Variants in MAPT observed in about 807,000 individuals in gnomAD.
The protein encoded by MAPT is microtubule-associated protein tau.
Under a neutral mutation model 67.9 loss-of-function variants are expected in MAPT, and 34 were observed. The ratio of observed to expected loss-of-function variants is 0.50; its 90% CI spans 0.38 to 0.67. The LOEUF (loss-of-function observed/expected upper bound fraction) is 0.67. Ranked by LOEUF, MAPT falls within the 30% of genes least tolerant of loss-of-function variation. The probability of loss-of-function intolerance (pLI) is 0.00; values close to 1 mark genes in which losing one functional copy is unlikely to be tolerated. For missense variants in MAPT, 881 were observed against 1,115.2 expected, an observed-to-expected ratio of 0.79 and a Z score of 2.99; for synonymous variants, 456 against 464.5, an observed-to-expected ratio of 0.98 and a Z score of 0.23.
intron 9 of MAPT, among the ~76,000 whole-genome samples, chr17:46,006,036 G>A (rs1991556): frequency 0.14 from 21,792 of 152,188 alleles, 2,136 homozygotes; most frequent in Non-Finnish European, 0.22. Context: ...TGGCACTAGA[G>A]ATTTATCCAT....
intron 1 of MAPT, among the ~76,000 whole-genome samples, chr17:45,910,262 C>A (rs1333351809): frequency 2.0e-5 from 3 of 152,254 alleles, no homozygotes; most frequent in Non-Finnish European, 4.4e-5. Context: ...TATATGATCT[C>A]ATTTGATTCT....
chr17:45,919,066 A>C (rs1232657326), intron 1 of MAPT, among the ~76,000 whole-genome samples: 1 of 104,202 alleles, frequency 9.6e-6, no homozygotes, highest in African/African-American at 3.1e-5. Flanking sequence ...TGTCTCAATA[A>C]AAAAAAAAAA....
At chr17:46,016,484 G>A (rs893463017) in intron 11 of MAPT, among the ~76,000 whole-genome samples, 7 of 152,084 alleles carry the variant, frequency 4.6e-5, no homozygotes, top group Non-Finnish European at 1.0e-4. Context: ...AGAAATTAGT[G>A]CTGTCGGCCA....
At chr17:45,962,215 T>G in intron 1 of MAPT, 106 bp from the exon 2 acceptor site, 4 of 918,898 alleles carry the variant, frequency 4.4e-6, no homozygotes, top group Non-Finnish European at 6.9e-6. Context: ...GCAGGGAGGC[T>G]GAGATCTGCC....
chr17:45,954,202 A>G (rs577524384), intron 1 of MAPT, among the ~76,000 whole-genome samples: 5 of 152,362 alleles, frequency 3.3e-5, no homozygotes, highest in African/African-American at 1.2e-4. Flanking sequence ...ATCTATAAAT[A>G]GTGTTTTATC....
At position 45,945,141 on chromosome 17, in the gene MAPT, A is replaced by G. The variant is rs558611595; in HGVS notation, c.-17-17180A>G. Reference sequence around the variant, plus strand: ...TTGGTTGGTGGAGGTCTCCAAACCCACCCAGTGCCACCGAAGGCTGAGACT... The same window carrying G: ...TTGGTTGGTGGAGGTCTCCAAACCCGCCCAGTGCCACCGAAGGCTGAGACT... On this transcript the variant is annotated intron_variant, in intron 1 of 12. Transcript: ENST00000262410. Among the ~76,000 whole-genome samples, 5 of 152,100 alleles carry G rather than the reference A, an allele frequency of 3.3e-5. No homozygotes were observed. The East Asian group carries it at 9.7e-4, about 29-fold the overall frequency.
At chr17:45,904,790 G>A (rs933678158) in intron 1 of MAPT, among the ~76,000 whole-genome samples, 1 of 151,686 alleles carries the variant, frequency 6.6e-6, no homozygotes, top group African/African-American at 2.4e-5. Flanking sequence ...TACTGGGCTT[G>A]CCAAAAACCC....
chr17:45,989,828 T>C (rs2145742700), intron 6 of MAPT, 50 bp from the exon 7 acceptor site: 1 of 1,527,578 alleles, frequency 6.5e-7, no homozygotes, highest in African/African-American at 1.4e-5. Flanking sequence ...TTTGTTTCCC[T>C]CCTCCATGTG....
chr17:45,910,524 G>T (rs1401531093), intron 1 of MAPT, among the ~76,000 whole-genome samples: 1 of 151,972 alleles, frequency 6.6e-6, no homozygotes, highest in African/African-American at 2.4e-5. Context: ...TTATTAAACT[G>T]CCAGTGCCTC....
intron 1 of MAPT, among the ~76,000 whole-genome samples, chr17:45,912,599 T>C (rs2064874733): frequency 6.6e-6 from 1 of 152,192 alleles, no homozygotes; most frequent in African/African-American, 2.4e-5. Context: ...AGCTTCAACC[T>C]AGTGATCCTG....
At chr17:45,902,683 AAG>A (rs1313627226) in intron 1 of MAPT, among the ~76,000 whole-genome samples, 1 of 152,188 alleles carries the variant, frequency 6.6e-6, no homozygotes, top group African/African-American at 2.4e-5. Context: ...ATCCCAACTT[AAG>A]AGGGTAAAAT....
intron 1 of MAPT, among the ~76,000 whole-genome samples, chr17:45,920,910 G>T (rs566311022): frequency 6.6e-6 from 1 of 152,310 alleles, no homozygotes; most frequent in Admixed American, 6.5e-5. Flanking sequence ...CACCTGGCAC[G>T]CCGTGTATAC....
intron 6 of MAPT, 22 bp downstream of exon 6, chr17:45,987,117 G>T (rs758310321): frequency 6.2e-7 from 1 of 1,612,378 alleles, no homozygotes. Flanking sequence ...ATGCCACGGA[G>T]CTCTGCAGCT....
chr17:45,936,914 A>G (rs1345468631), intron 1 of MAPT, among the ~76,000 whole-genome samples: 1 of 152,210 alleles, frequency 6.6e-6, no homozygotes, highest in Non-Finnish European at 1.5e-5. Flanking sequence ...GCCCAGGGAC[A>G]TAGAGCAGTG....
chr17:45,949,557 T>A (rs1421775760), intron 1 of MAPT, among the ~76,000 whole-genome samples: 2 of 152,192 alleles, frequency 1.3e-5, no homozygotes, highest in African/African-American at 4.8e-5. Flanking sequence ...TGTGTGACCC[T>A]AAAAAGGTTT....
intron 1 of MAPT, among the ~76,000 whole-genome samples, chr17:45,962,000 C>A (rs564210168): frequency 6.6e-6 from 1 of 152,126 alleles, no homozygotes; most frequent in Non-Finnish European, 1.5e-5. Flanking sequence ...GTCTCGATCC[C>A]CTGACCTCAG....
intron 1 of MAPT, among the ~76,000 whole-genome samples, chr17:45,922,281 T>G (rs1242253807): frequency 6.6e-6 from 1 of 152,166 alleles, no homozygotes; most frequent in East Asian, 1.9e-4. Flanking sequence ...AGGCCTTATA[T>G]TTTGCTCTTT....
At chr17:45,908,295 G>T (rs1010225052) in intron 1 of MAPT, 3 of 152,228 alleles carry the variant, frequency 2.0e-5, no homozygotes, top group African/African-American at 4.8e-5. Context: ...TTCCGGAGGG[G>T]TCCATGTGGC....
chr17:45,965,990 C>A (rs1303159684), intron 2 of MAPT, among the ~76,000 whole-genome samples: 2 of 152,176 alleles, frequency 1.3e-5, no homozygotes, highest in African/African-American at 4.8e-5. Flanking sequence ...ATATTTCCCC[C>A]TTGTCACTCT....
Sources: allele counts gnomAD v4.1 joint callset (sites outside exome capture counted in the v4.1 genomes callset), GRCh38; gene constraint gnomAD v4.1.1; transcripts MANE v1.5; gene names NCBI Gene and HGNC (gene_info 2026-07-23, HGNC 2026-07-21).